Variants in NEK11 observed in about 807,000 individuals in gnomAD.
NEK11 encodes NIMA related kinase 11, also known as serine/threonine-protein kinase Nek11.
A neutral mutation model predicts 80.7 loss-of-function variants in NEK11; 72 were observed. The observed-to-expected ratio is 0.89, with a 90% CI of 0.74 to 1.08. The LOEUF is 1.08. NEK11 is among the 50% of genes least tolerant of loss of function. NEK11 has a pLI of 0.00. For missense variants in NEK11, 764 were observed against 763.6 expected (o/e 1.00, Z -0.01); for synonymous variants, 251 against 260.7 (o/e 0.96, Z 0.36).
At chr3:131,220,725 G>A (rs553318704) in intron 14 of NEK11, among the ~76,000 whole-genome samples, 1 of 152,218 alleles carries the variant, frequency 6.6e-6, no homozygotes, top group African/African-American at 2.4e-5. Flanking sequence ...AGCCAGCTCC[G>A]CAAACTTTAA....
chr3:131,348,581 A>G (rs1369153943), intron 17 of NEK11, among the ~76,000 whole-genome samples: 1 of 151,862 alleles, frequency 6.6e-6, no homozygotes, highest in Non-Finnish European at 1.5e-5. Flanking sequence ...GTATTGAAAA[A>G]CAAAACATGT....
chr3:131,221,176 T>C (rs1253958264), intron 14 of NEK11, among the ~76,000 whole-genome samples: 2 of 152,206 alleles, frequency 1.3e-5, no homozygotes, highest in Non-Finnish European at 2.9e-5. Context: ...CTTTGAATCA[T>C]GTGTTGGGGA....
chr3:131,122,156 C>G (rs1387411119), intron 5 of NEK11, among the ~76,000 whole-genome samples: 1 of 152,146 alleles, frequency 6.6e-6, no homozygotes, highest in Non-Finnish European at 1.5e-5. Flanking sequence ...GTGTTAAGAA[C>G]TCATTTTTAA....
intron 14 of NEK11, among the ~76,000 whole-genome samples, chr3:131,212,247 T>A (rs2094648860): frequency 6.6e-6 from 1 of 152,182 alleles, no homozygotes; most frequent in African/African-American, 2.4e-5. Flanking sequence ...CTGTTGGAGT[T>A]TGCTGGAGGT....
chr3:131,204,278 T>C (rs903062415), intron 14 of NEK11, among the ~76,000 whole-genome samples: 1 of 152,156 alleles, frequency 6.6e-6, no homozygotes, highest in African/African-American at 2.4e-5. Flanking sequence ...TCTTTATCTG[T>C]ATCCTATGTC....
chr3:131,162,349 T>G lies in NEK11; in HGVS notation c.963-59T>G, dbSNP rs1438183524. On this transcript the variant is annotated intron_variant, in intron 10 of 17. Transcript: ENST00000383366. ...AGTGATACTTTTATAAAATATTTGT[T>G]TAATTTTTCTGAACATGTTTGGGAT... The G allele has an allele frequency of 5.7e-6, 9 of 1,577,880 alleles. No homozygotes were observed. In the Admixed American group the frequency reaches 1.5e-4, roughly 27 times the overall value.
intron 17 of NEK11, among the ~76,000 whole-genome samples, chr3:131,322,142 T>C (rs1581920267): frequency 6.6e-6 from 1 of 152,186 alleles, no homozygotes; most frequent in Non-Finnish European, 1.5e-5. Context: ...ATATACACCA[T>C]GGAATATGCT....
chr3:131,175,236 C>A, intron 14 of NEK11: 1 of 465,310 alleles, frequency 2.1e-6, no homozygotes, highest in African/African-American at 2.1e-5. Flanking sequence ...CCTTTACTCA[C>A]TCAGTAATTC....
chr3:131,145,020 T>G, intron 7 of NEK11, among the ~76,000 whole-genome samples: 1 of 152,166 alleles, frequency 6.6e-6, no homozygotes, highest in African/African-American at 2.4e-5. Flanking sequence ...TTTATTTATT[T>G]TTAGAGATGG....
intron 3 of NEK11, among the ~76,000 whole-genome samples, chr3:131,078,113 C>A (rs2074668787): frequency 6.6e-6 from 1 of 152,136 alleles, no homozygotes; most frequent in South Asian, 2.1e-4. Flanking sequence ...AAATTGGCCT[C>A]CTCTTTGTGG....
intron 17 of NEK11, among the ~76,000 whole-genome samples, chr3:131,288,450 C>CTTTCTTTCTTTCTTTTTT (rs536834704): frequency 7.8e-5 from 9 of 115,398 alleles, no homozygotes; most frequent in Non-Finnish European, 1.1e-4. Context: ...TTCTTTCTTT[C>CTTTCTTTCTTTCTTTTTT]TTTTTTTTTT....
chr3:131,317,792 GA>G (rs2096856494), intron 17 of NEK11, among the ~76,000 whole-genome samples: 1 of 124,048 alleles, frequency 8.1e-6, no homozygotes, highest in African/African-American at 3.3e-5. Context: ...GGAGGAGGAG[GA>G]GAGAAGGAGG....
chr3:131,256,369 AT>A (rs906176910), intron 16 of NEK11, among the ~76,000 whole-genome samples: 36 of 152,332 alleles, frequency 2.4e-4, no homozygotes, highest in Admixed American at 1.0e-3. Context: ...AATTTAAAAC[AT>A]TTTTAAGAGA....
chr3:131,256,474 A>G (rs1480579989), intron 16 of NEK11, among the ~76,000 whole-genome samples: 1 of 152,184 alleles, frequency 6.6e-6, no homozygotes, highest in African/African-American at 2.4e-5. Context: ...ATGCACCAAT[A>G]TAGTGATTTC....
intron 11 of NEK11, 49 bp downstream of exon 11, chr3:131,162,576 G>T (rs373784413): frequency 6.3e-7 from 1 of 1,599,474 alleles, no homozygotes; most frequent in Non-Finnish European, 8.5e-7. Flanking sequence ...ACTTCTCAGG[G>T]CTCTCAGGGA....
chr3:131,120,268 G>A (rs1223252858), intron 5 of NEK11, among the ~76,000 whole-genome samples: 1 of 152,172 alleles, frequency 6.6e-6, no homozygotes, highest in African/African-American at 2.4e-5. Flanking sequence ...GAAATTCTGG[G>A]TTGAAAATTC....
chr3:131,254,970 A>C (rs2095779479), intron 16 of NEK11, among the ~76,000 whole-genome samples: 1 of 152,000 alleles, frequency 6.6e-6, no homozygotes, highest in Non-Finnish European at 1.5e-5. Flanking sequence ...CAGCAAGCCA[A>C]GATCACACCA....
chr3:131,325,701 TCTTA>T (rs2096956201), intron 17 of NEK11: 3 of 152,194 alleles, frequency 2.0e-5, no homozygotes, highest in Admixed American at 2.0e-4. Context: ...TTTGAAATCT[TCTTA>T]CTACCTGTCC....
At chr3:131,329,803 A>G (rs1261859445) in intron 17 of NEK11, 1 of 152,460 alleles carries the variant, frequency 6.6e-6, no homozygotes, top group Non-Finnish European at 1.5e-5. Flanking sequence ...TAATGCGTTC[A>G]AAGAAGAGCA....
Sources: gnomAD v4.1 joint callset for allele counts (sites outside exome capture counted in the v4.1 genomes callset) on GRCh38, gnomAD v4.1.1 for gene constraint, MANE v1.5 for transcripts, NCBI Gene and HGNC (gene_info 2026-07-23, HGNC 2026-07-21) for gene names.